The following HS3ST4 variants were observed in gnomAD, a reference collection of about 807,000 sequenced individuals.
HS3ST4 encodes heparan sulfate glucosamine 3-O-sulfotransferase 4.
HS3ST4 carries 17 observed loss-of-function variants against 29.2 expected under a neutral mutation model. That is an observed-to-expected ratio of 0.58 (90% CI 0.40 to 0.87). HS3ST4 has a LOEUF of 0.87. HS3ST4 is among the 40% of genes least tolerant of loss of function. The pLI, the probability that HS3ST4 is intolerant of heterozygous loss-of-function variation, is 0.00. For synonymous variants in HS3ST4, 314 were observed against 285.7 expected, an observed-to-expected ratio of 1.10 and a Z score of -1.00; for missense variants, 627 against 634.5, an observed-to-expected ratio of 0.99 and a Z score of 0.13.
chr16:26,009,476 G>A (rs931259432), intron 1 of HS3ST4, among the ~76,000 whole-genome samples: 4 of 152,152 alleles, frequency 2.6e-5, no homozygotes, highest in African/African-American at 7.2e-5. Flanking sequence ...AGTCAGGATA[G>A]GCTAGCCTTT....
At chr16:26,023,088 A>G (rs1969430969) in intron 1 of HS3ST4, among the ~76,000 whole-genome samples, 1 of 152,212 alleles carries the variant, frequency 6.6e-6, no homozygotes, top group Non-Finnish European at 1.5e-5. Context: ...ACTTCAGTGT[A>G]CATACCATTT....
intron 1 of HS3ST4, among the ~76,000 whole-genome samples, chr16:25,850,326 T>G (rs9933890): frequency 0.29 from 44,390 of 152,026 alleles, 6,928 homozygotes; most frequent in Admixed American, 0.35. Context: ...ATCAAATGTT[T>G]GAAAATTCTG....
intron 1 of HS3ST4, among the ~76,000 whole-genome samples, chr16:25,867,987 A>G (rs1967713189): frequency 6.6e-6 from 1 of 152,154 alleles, no homozygotes; most frequent in South Asian, 2.1e-4. Flanking sequence ...TTATGTAAGT[A>G]TGGGTAGGTA....
At chr16:25,733,432 G>C (rs1252075323) in intron 1 of HS3ST4, among the ~76,000 whole-genome samples, 2 of 152,138 alleles carry the variant, frequency 1.3e-5, no homozygotes, top group Non-Finnish European at 2.9e-5. Context: ...ACATTCACCT[G>C]AGCATCTAGC....
intron 1 of HS3ST4, among the ~76,000 whole-genome samples, chr16:25,929,388 GAA>G (rs112782169): frequency 6.8e-6 from 1 of 146,764 alleles, no homozygotes; most frequent in African/African-American, 2.5e-5. Context: ...AAAACAAGAA[GAA>G]AAAAAAAAGA....
chr16:25,745,821 A>G (rs575754018), intron 1 of HS3ST4, among the ~76,000 whole-genome samples: 143 of 152,322 alleles, frequency 9.4e-4, no homozygotes, highest in African/African-American at 3.3e-3. Context: ...CATGTTTTGG[A>G]TAAAAATAAG....
chr16:26,063,124 T>G (rs185783374), intron 1 of HS3ST4: 64 of 157,670 alleles, frequency 4.1e-4, no homozygotes, highest in Non-Finnish European at 6.7e-4. Context: ...CCATCAAGGC[T>G]CATACATTGC....
chr16:26,073,248 G>C (rs1898621127), intron 1 of HS3ST4, among the ~76,000 whole-genome samples: 1 of 152,184 alleles, frequency 6.6e-6, no homozygotes. Context: ...CAGGGACATT[G>C]GATATTAGTG....
intron 1 of HS3ST4, among the ~76,000 whole-genome samples, chr16:25,703,956 G>A (rs900368122): frequency 1.3e-5 from 2 of 152,144 alleles, no homozygotes; most frequent in Non-Finnish European, 2.9e-5. Context: ...GCTCTCCAAA[G>A]TTATCCTCAT....
chr16:26,023,724 A>G (rs1406017377), intron 1 of HS3ST4, among the ~76,000 whole-genome samples: 1 of 152,098 alleles, frequency 6.6e-6, no homozygotes, highest in African/African-American at 2.4e-5. Context: ...TAATGTGCAT[A>G]AAGGAGCTCT....
intron 1 of HS3ST4, among the ~76,000 whole-genome samples, chr16:25,940,619 A>G (rs926324838): frequency 2.0e-5 from 3 of 152,218 alleles, no homozygotes; most frequent in Non-Finnish European, 2.9e-5. Context: ...GACCAGGGGC[A>G]TGGACAGCAG....
chr16:25,949,081 G>A (rs184459202), intron 1 of HS3ST4, among the ~76,000 whole-genome samples: 5 of 151,540 alleles, frequency 3.3e-5, no homozygotes, highest in East Asian at 1.9e-4. Context: ...TTTAGTTTTC[G>A]TGGGTACATA....
At chr16:26,114,820 C>T (rs913337859) in intron 1 of HS3ST4, among the ~76,000 whole-genome samples, 1 of 152,074 alleles carries the variant, frequency 6.6e-6, no homozygotes, top group Non-Finnish European at 1.5e-5. Context: ...TTACCAGTAT[C>T]TTAAGAAAAT....
chr16:26,024,293 T>C (rs1175914144), intron 1 of HS3ST4, among the ~76,000 whole-genome samples: 1 of 151,822 alleles, frequency 6.6e-6, no homozygotes, highest in Non-Finnish European at 1.5e-5. Flanking sequence ...CCAGGACATG[T>C]CAGTAAGTGA....
chr16:25,932,346 T>C (rs552095943), intron 1 of HS3ST4, among the ~76,000 whole-genome samples: 1 of 152,310 alleles, frequency 6.6e-6, no homozygotes, highest in South Asian at 2.1e-4. Flanking sequence ...TGCTCTGTAC[T>C]TGGTGCTCTC....
intron 1 of HS3ST4, among the ~76,000 whole-genome samples, chr16:25,772,042 T>C (rs1465899721): frequency 1.3e-5 from 2 of 152,238 alleles, no homozygotes; most frequent in African/African-American, 4.8e-5. Context: ...ATGAGCCATA[T>C]GGTCTCTGTC....
intron 1 of HS3ST4, among the ~76,000 whole-genome samples, chr16:26,030,048 G>A (rs1969518104): frequency 6.6e-6 from 1 of 152,186 alleles, no homozygotes; most frequent in African/African-American, 2.4e-5. Context: ...GCACCGCATG[G>A]CAGCATGGGT....
chr16:25,828,298 T>G lies in HS3ST4; in HGVS notation c.734+135147T>G, dbSNP rs200170857. ...TTTCTTTCTTTCTTTCTTTCTTTCT[T>G]TCCCTCTCTCTCTCTCTCTCTCTCT... On this transcript the variant is annotated intron_variant, in intron 1 of 1. Transcript: ENST00000331351. Among the ~76,000 whole-genome samples the G allele has an allele frequency of 2.1e-4, 6 of 27,922 alleles. 1 individual carries two copies. The highest frequency in any genetic ancestry group is 9.2e-4 in the East Asian group (1 of 1,090). The allele number at this position is 27,922 out of a possible 152,430, so 18.3% of individuals were successfully genotyped here.
At chr16:26,098,822 A>G (rs982741089) in intron 1 of HS3ST4, among the ~76,000 whole-genome samples, 9 of 152,048 alleles carry the variant, frequency 5.9e-5, no homozygotes, top group African/African-American at 2.2e-4. Flanking sequence ...GATGTATGGT[A>G]TGATTGATGG....
Sources: gnomAD v4.1 joint callset for allele counts (sites outside exome capture counted in the v4.1 genomes callset) on GRCh38, gnomAD v4.1.1 for gene constraint, MANE v1.5 for transcripts, NCBI Gene and HGNC (gene_info 2026-07-23, HGNC 2026-07-21) for gene names.